GFRA1: variants seen among roughly 807,000 people sequenced by gnomAD.
GFRA1 encodes GDNF family receptor alpha-1.
GFRA1 carries 16 observed loss-of-function variants against 51.6 expected under a neutral mutation model. The ratio of observed to expected loss-of-function variants is 0.31; its 90% CI spans 0.21 to 0.47. The LOEUF is 0.47. GFRA1 is among the 20% of genes least tolerant of loss of function. GFRA1 has a pLI of 1.00. For synonymous variants in GFRA1, 270 were observed against 241.3 expected (o/e 1.12, Z -1.10); for missense variants, 530 against 594.3 (o/e 0.89, Z 1.13).
intron 5 of GFRA1, among the ~76,000 whole-genome samples, chr10:116,210,310 T>C (rs1965090265): frequency 1.3e-5 from 2 of 152,080 alleles, no homozygotes; most frequent in South Asian, 4.2e-4. Context: ...CTCAAATGTT[T>C]TGTGTTTCAA....
chr10:116,059,713 G>A lies in GFRA1; in HGVS notation c.*4685C>T, dbSNP rs1196930108. 1 of 152,232 alleles carries A rather than the reference G, an allele frequency of 6.6e-6. No homozygotes were observed. The highest frequency in any genetic ancestry group is 2.4e-5 in the African/African-American group (1 of 41,468). 9.4% of individuals were successfully genotyped at this position (152,232 alleles called of 1,614,324 possible). ...ACCCCTGCATTGTCTCTGGGAGGGA[G>A]GAGAAGCTCATCAGAGACACTGGGA... On this transcript the variant is annotated 3_prime_UTR_variant, in exon 11 of 11. Transcript: ENST00000355422.
intron 8 of GFRA1, among the ~76,000 whole-genome samples, chr10:116,090,439 A>AAAC (rs1956284869): frequency 6.6e-6 from 1 of 151,088 alleles, no homozygotes. Context: ...CTTTAAAAAA[A>AAAC]AAAAAAAAAA....
At chr10:116,238,918 A>C (rs1477081909) in intron 4 of GFRA1, among the ~76,000 whole-genome samples, 1 of 152,198 alleles carries the variant, frequency 6.6e-6, no homozygotes, top group Non-Finnish European at 1.5e-5. Flanking sequence ...AAAGTGAGAA[A>C]ATTTTAAAGC....
chr10:116,183,746 C>T (rs999333476), intron 5 of GFRA1, among the ~76,000 whole-genome samples: 4 of 152,212 alleles, frequency 2.6e-5, no homozygotes, highest in African/African-American at 9.7e-5. Flanking sequence ...ACACTCAGCA[C>T]CTTGCTCCCA....
intron 6 of GFRA1, among the ~76,000 whole-genome samples, chr10:116,114,213 G>GC (rs1479999447): frequency 6.6e-6 from 1 of 152,114 alleles, no homozygotes. Context: ...GAAGCACGTG[G>GC]CCAAGAGGCT....
At chr10:116,229,166 T>G (rs1966525262) in intron 4 of GFRA1, among the ~76,000 whole-genome samples, 2 of 151,992 alleles carry the variant, frequency 1.3e-5, no homozygotes, top group African/African-American at 2.4e-5. Flanking sequence ...AAATTTGTAT[T>G]GGTTAAGCCA....
chr10:116,106,571 T>C (rs1222058085), intron 6 of GFRA1, among the ~76,000 whole-genome samples: 1 of 148,288 alleles, frequency 6.7e-6, no homozygotes, highest in African/African-American at 2.5e-5. Flanking sequence ...AGCACCACCC[T>C]CTTGGGTAGC....
chr10:116,197,294 A>G (rs921355660), intron 5 of GFRA1, among the ~76,000 whole-genome samples: 1 of 152,110 alleles, frequency 6.6e-6, no homozygotes, highest in Non-Finnish European at 1.5e-5. Context: ...CTTCCACCAC[A>G]TAAGGACACA....
At chr10:116,075,235 G>A (rs996770017) in intron 9 of GFRA1, among the ~76,000 whole-genome samples, 11 of 152,038 alleles carry the variant, frequency 7.2e-5, no homozygotes, top group Non-Finnish European at 5.9e-5. Flanking sequence ...AAGTGCTTAG[G>A]AGAAGACATC....
intron 5 of GFRA1, among the ~76,000 whole-genome samples, chr10:116,179,418 G>T (rs1042944427): frequency 1.3e-5 from 2 of 152,192 alleles, no homozygotes; most frequent in African/African-American, 4.8e-5. Flanking sequence ...CAGTGTGCCA[G>T]AATTTATGCT....
chr10:116,211,120 T>G (rs776500473), intron 5 of GFRA1, among the ~76,000 whole-genome samples: 1 of 152,142 alleles, frequency 6.6e-6, no homozygotes, highest in Non-Finnish European at 1.5e-5. Context: ...GGTGACACTA[T>G]CTCAGTCAGA....
intron 5 of GFRA1, among the ~76,000 whole-genome samples, chr10:116,128,954 C>T (rs11197542): frequency 0.23 from 34,725 of 152,022 alleles, 3,995 homozygotes; most frequent in Middle Eastern, 0.26. Context: ...GTAGGTGTGA[C>T]TTAGCCTCAC....
At chr10:116,176,326 T>C (rs957906876) in intron 5 of GFRA1, among the ~76,000 whole-genome samples, 15 of 152,186 alleles carry the variant, frequency 9.9e-5, no homozygotes, top group African/African-American at 3.6e-4. Context: ...CTTGACATAG[T>C]TTGGACCTCC....
At chr10:116,090,070 A>C in intron 8 of GFRA1, 148 bp from the exon 9 acceptor site, 1 of 757,388 alleles carries the variant, frequency 1.3e-6, no homozygotes, top group Non-Finnish European at 2.2e-6. Context: ...TGCCCTATAC[A>C]TGCTGAGAGC....
At chr10:116,153,813 T>C (rs1471435836) in intron 5 of GFRA1, among the ~76,000 whole-genome samples, 2 of 152,108 alleles carry the variant, frequency 1.3e-5, no homozygotes, top group Admixed American at 6.5e-5. Context: ...AGCTACCACA[T>C]AGGAGGAGAC....
intron 9 of GFRA1, among the ~76,000 whole-genome samples, chr10:116,078,081 C>T (rs914370380): frequency 6.6e-6 from 1 of 152,182 alleles, no homozygotes; most frequent in Non-Finnish European, 1.5e-5. Context: ...AATCATAAGG[C>T]CTGGCCCCCA....
chr10:116,177,441 C>A (rs1034279788), intron 5 of GFRA1, among the ~76,000 whole-genome samples: 3 of 152,084 alleles, frequency 2.0e-5, no homozygotes, highest in African/African-American at 7.2e-5. Context: ...ACAGGGCAGG[C>A]CTTGGGGTTA....
intron 4 of GFRA1, among the ~76,000 whole-genome samples, chr10:116,235,126 A>G (rs1966852448): frequency 6.6e-6 from 1 of 152,188 alleles, no homozygotes; most frequent in African/African-American, 2.4e-5. Context: ...AGAATGGACT[A>G]ATGTGGCACC....
chr10:116,094,801 A>G (rs1956504872), intron 7 of GFRA1, among the ~76,000 whole-genome samples: 1 of 152,166 alleles, frequency 6.6e-6, no homozygotes. Flanking sequence ...ATACCTTGGG[A>G]TGAACATTTT....
Sources: allele counts gnomAD v4.1 joint callset (sites outside exome capture counted in the v4.1 genomes callset), GRCh38; gene constraint gnomAD v4.1.1; transcripts MANE v1.5; gene names NCBI Gene and HGNC (gene_info 2026-07-23, HGNC 2026-07-21).